The following SLC35F6 variants were observed in gnomAD, a reference collection of about 807,000 sequenced individuals.
SLC35F6 encodes solute carrier family 35 member F6.
A neutral mutation model predicts 29.4 loss-of-function variants in SLC35F6; 26 were observed. The ratio of observed to expected loss-of-function variants is 0.89; its 90% CI spans 0.65 to 1.23. The LOEUF (loss-of-function observed/expected upper bound fraction) is 1.23, where lower values mean the gene tolerates loss of function less well. Among genes scored for constraint, SLC35F6 ranks in the 50% most tolerant of loss-of-function variants. The pLI is 0.00. For synonymous variants in SLC35F6, 174 were observed against 206.6 expected (o/e 0.84, Z 1.35); for missense variants, 428 against 487.8 (o/e 0.88, Z 1.15).
chr2:26,774,363 C>T (rs752527921), intron 2 of SLC35F6, 40 bp downstream of exon 2: 3 of 1,610,490 alleles, frequency 1.9e-6, no homozygotes, highest in South Asian at 2.2e-5. Context: ...TCTCCCGGGC[C>T]TCAGACCAGG....
intron 1 of SLC35F6, among the ~76,000 whole-genome samples, chr2:26,765,979 G>A (rs1404572658): frequency 6.6e-6 from 1 of 152,222 alleles, no homozygotes; most frequent in African/African-American, 2.4e-5. Context: ...TACTGCTGGG[G>A]TAAACTGTGC....
chr2:26,777,964 C>CAG, intron 5 of SLC35F6, 78 bp from the exon 6 acceptor site: 1 of 1,377,188 alleles, frequency 7.3e-7, no homozygotes, highest in African/African-American at 1.4e-5. Context: ...GACCCGAGAT[C>CAG]AGAGGAGGCT....
rs778479862 is a variant in SLC35F6 at position 26,778,459 on chromosome 2, A to G, written c.1064A>G (p.Glu355Gly). The G allele has an allele frequency of 1.7e-5, 27 of 1,613,508 alleles. No individual in the cohort carries two copies. The highest frequency in any genetic ancestry group is 3.3e-4 in the Middle Eastern group (2 of 6,074). ...SRGRPLAEES[E>G]QERLLGGTRT... ...GGCCGGCCCCTGGCAGAGGAGAGCG[A>G]GCAGGAGAGACTGCTGGGTGGCACC... Residue 355 changes from glutamate (E) to glycine (G), a missense_variant, in exon 6 of 6, where the codon GAG (glutamate) becomes GGG (glycine). Glu to Gly is a moderately conservative substitution (Grantham distance 98, BLOSUM62 -2). Coordinates refer to ENST00000344420, the MANE Select transcript of SLC35F6 (RefSeq NM_017877.4).
intron 1 of SLC35F6, among the ~76,000 whole-genome samples, chr2:26,767,331 G>C (rs150861609): frequency 6.6e-6 from 1 of 152,216 alleles, no homozygotes; most frequent in African/African-American, 2.4e-5. Context: ...TGGAGTCCAG[G>C]CCACTCAAGG....
At chr2:26,767,606 G>A (rs1043908208) in intron 1 of SLC35F6, among the ~76,000 whole-genome samples, 6 of 152,104 alleles carry the variant, frequency 3.9e-5, no homozygotes, top group African/African-American at 1.4e-4. Context: ...ACCTTCTGTC[G>A]ATCATCTTCT....
rs764960262 is a variant in SLC35F6 at position 26,775,553 on chromosome 2, C to T, written c.412C>T (p.Arg138Trp). Residue 138 changes from arginine to tryptophan, a missense_variant, in exon 4 of 6, where the codon CGG becomes TGG. Transcript: ENST00000344420. The surrounding 1 kb of genome is among the most constrained non-coding windows in gnomAD (Gnocchi z 4.6). ...CCTGTTCTCGGTGGCCTTCCTGGGCCGGAGGCTGGTGCTGAGCCAGTGGCT... is the reference window on the plus strand; with the variant it reads ...CCTGTTCTCGGTGGCCTTCCTGGGCTGGAGGCTGGTGCTGAGCCAGTGGCT... Reference protein sequence around the residue: ...TGLFSVAFLGRRLVLSQWLGI... With the variant: ...TGLFSVAFLGWRLVLSQWLGI... The T allele has an allele frequency of 8.1e-6, 13 of 1,608,646 alleles. No individual in the cohort carries two copies. Among genetic ancestry groups the T allele is most frequent in the South Asian group, 4.4e-5 (4 of 90,582 alleles).
At position 26,778,262 on chromosome 2, in the gene SLC35F6, C is replaced by T; in HGVS notation, c.867C>T (p.Ala289=). 6.2e-7 allele frequency: 1 copy of T among 1,614,196 alleles called. No individual in the cohort carries two copies. Among genetic ancestry groups the T allele is most frequent in the Non-Finnish European group, 8.5e-7 (1 of 1,180,030 alleles). The change falls in exon 6 of 6, where the codon GCC becomes GCT. Residue 289 remains alanine (A), a synonymous_variant. Transcript: ENST00000344420. ...AGISVTKELS[A]TTRMVLDSLR... ...TCAGCGTCACCAAGGAACTGAGCGC[C>T]ACCACCCGCATGGTGTTGGACAGCT...
At position 26,775,778 on chromosome 2, in the gene SLC35F6, G is replaced by A. The variant is rs560710536; in HGVS notation, c.535+102G>A. The stretch of plus-strand genomic sequence containing the variant: ...AGCTCTGCCATGTGCCATATACCAA[G>A]CCCTGGGTGAGGTGGGTAGCTCTGG... On this transcript the variant is annotated intron_variant, in intron 4 of 5. Coordinates refer to ENST00000344420, the MANE Select transcript of SLC35F6 (RefSeq NM_017877.4). This position sits in a 1 kb window ranked among gnomAD's most constrained non-coding sequence, Gnocchi z 4.6. The A allele has an allele frequency of 1.5e-6, 2 of 1,310,392 alleles. No individual in the cohort carries two copies. The highest frequency in any genetic ancestry group is 5.1e-5 in the East Asian group (2 of 39,532). 81.2% of individuals were successfully genotyped at this position (1,310,392 alleles called of 1,614,324 possible). A position where few individuals can be genotyped will look rare whatever the true frequency, so the allele number is the denominator to read the frequency against.
intron 5 of SLC35F6, among the ~76,000 whole-genome samples, chr2:26,777,298 C>T (rs183448904): frequency 9.2e-4 from 140 of 152,322 alleles, no homozygotes; most frequent in South Asian, 4.4e-3. Flanking sequence ...TACCATCAGG[C>T]AAGTAGATTT....
chr2:26,769,711 A>AC (rs1664160201), intron 1 of SLC35F6, among the ~76,000 whole-genome samples: 1 of 152,204 alleles, frequency 6.6e-6, no homozygotes, highest in Non-Finnish European at 1.5e-5. Flanking sequence ...AGCCAGCAGG[A>AC]CAGGTTCCAG....
intron 1 of SLC35F6, chr2:26,765,019 C>G (rs1664072396): frequency 1.0e-6 from 1 of 984,890 alleles, no homozygotes; most frequent in Non-Finnish European, 1.2e-6. Flanking sequence ...CTCTCATAAT[C>G]AGAAAAGTGC....
chr2:26,766,194 A>C (rs1432663533), intron 1 of SLC35F6, among the ~76,000 whole-genome samples: 3 of 152,146 alleles, frequency 2.0e-5, no homozygotes, highest in African/African-American at 7.2e-5. Flanking sequence ...TGGGCCCCCA[A>C]ATTGGACCCT....
At position 26,778,601 on chromosome 2, in the gene SLC35F6, C is replaced by G; in HGVS notation, c.*90C>G. On this transcript the variant is annotated 3_prime_UTR_variant, in exon 6 of 6. Coordinates refer to ENST00000344420, the MANE Select transcript of SLC35F6 (RefSeq NM_017877.4). Reference sequence around the variant, plus strand: ...CTGGTGGGCCCCGAATGCCCTATCCCCAAGGCCTCACCCTGTCCCCTCCCT... The same window carrying G: ...CTGGTGGGCCCCGAATGCCCTATCCGCAAGGCCTCACCCTGTCCCCTCCCT... 2 of 1,282,366 alleles carry G rather than the reference C, an allele frequency of 1.6e-6. No homozygotes were observed. Among genetic ancestry groups the G allele is most frequent in the Non-Finnish European group, 2.1e-6 (2 of 954,584 alleles). 79.4% of individuals were successfully genotyped at this position (1,282,366 alleles called of 1,614,324 possible).
intron 1 of SLC35F6, 96 bp downstream of exon 1, chr2:26,764,522 G>A: frequency 6.9e-7 from 1 of 1,448,980 alleles, no homozygotes; most frequent in Middle Eastern, 1.7e-4. Context: ...GGCTTCCCCT[G>A]CTTTCCCACT....
intron 1 of SLC35F6, among the ~76,000 whole-genome samples, chr2:26,770,517 A>G (rs771716709): frequency 1.6e-4 from 24 of 152,176 alleles, no homozygotes; most frequent in Non-Finnish European, 2.9e-4. Flanking sequence ...CAGGAGTTCG[A>G]GACCATCCTG....
At chr2:26,774,670 G>A (rs1038485879) in intron 2 of SLC35F6, among the ~76,000 whole-genome samples, 2 of 152,360 alleles carry the variant, frequency 1.3e-5, no homozygotes, top group Admixed American at 6.5e-5. Flanking sequence ...GACACTGTTC[G>A]TTGAACTGAG....
intron 2 of SLC35F6, 91 bp downstream of exon 2, chr2:26,774,414 G>A: frequency 1.4e-6 from 2 of 1,418,194 alleles, no homozygotes; most frequent in South Asian, 2.5e-5. Context: ...TCCTGACTTA[G>A]GAGTGGAGGT....
chr2:26,774,221 A>T, intron 1 of SLC35F6, 30 bp from the exon 2 acceptor site: 1 of 1,613,236 alleles, frequency 6.2e-7, no homozygotes, highest in Non-Finnish European at 8.5e-7. Context: ...GGATGCTGAC[A>T]GGGTCTGACC....
rs201123968 is a variant in SLC35F6, at chr2:26,776,408, C to G, written c.572C>G (p.Ala191Gly). Residue 191 changes from alanine to glycine, a missense_variant, in exon 5 of 6, where the codon GCC becomes GGC. Coordinates refer to ENST00000344420, the MANE Select transcript of SLC35F6 (RefSeq NM_017877.4). ...ATCATCATGGCCCAGATCATCGTTG[C>G]CATCCAGATGGTGCTAGAGGAGAAG... is the stretch of plus-strand genomic sequence containing the variant. ...LLIIMAQIIV[A>G]IQMVLEEKFV... 1.9e-5 allele frequency: 30 copies of G among 1,614,072 alleles called. No homozygotes were observed. Among genetic ancestry groups the G allele is most frequent in the Non-Finnish European group, 2.3e-5 (27 of 1,180,032 alleles).
Sources: gnomAD v4.1 joint callset for allele counts (sites outside exome capture counted in the v4.1 genomes callset) on GRCh38, gnomAD v4.1.1 for gene constraint, Gnocchi (gnomAD v3.1) non-coding constraint, MANE v1.5 for transcripts, NCBI Gene and HGNC (gene_info 2026-07-23, HGNC 2026-07-21) for gene names.